The following PSD3 variants were observed in gnomAD, a reference collection of about 807,000 sequenced individuals.
PSD3 encodes PH and SEC7 domain-containing protein 3.
PSD3 carries 49 observed loss-of-function variants against 105.5 expected under a neutral mutation model. The ratio of observed to expected loss-of-function variants is 0.46; its 90% CI spans 0.37 to 0.59. The LOEUF is 0.59. PSD3 is among the 20% of genes least tolerant of loss of function. The pLI is 0.00. For missense variants in PSD3, 1,561 were observed against 1,263.8 expected, an observed-to-expected ratio of 1.24 and a Z score of -3.57; for synonymous variants, 557 against 457.8, an observed-to-expected ratio of 1.22 and a Z score of -2.77.
At chr8:18,726,805 G>A (rs545802012) in intron 9 of PSD3, among the ~76,000 whole-genome samples, 23 of 152,238 alleles carry the variant, frequency 1.5e-4, no homozygotes, top group African/African-American at 4.1e-4. Context: ...ACCACGCTTC[G>A]GGGCTCTAAC....
chr8:18,872,358 A>C lies in PSD3; in HGVS notation c.506T>G (p.Val169Gly). ...ACTGGCAGTGTCCAGCTCTTTTTCCACCTGCTGAACTGAAAAACTAGAAAC... is the reference window on the plus strand; with the variant it reads ...ACTGGCAGTGTCCAGCTCTTTTTCCCCCTGCTGAACTGAAAAACTAGAAAC... Reference protein sequence around the residue: ...DAVSSFSVQQVEKELDTASRK... With the variant: ...DAVSSFSVQQGEKELDTASRK... Residue 169 changes from valine (V) to glycine (G), a missense_variant, in exon 3 of 16, where the codon GTG (valine) becomes GGG (glycine). Val to Gly is a moderately radical substitution (Grantham distance 109). Transcript: ENST00000327040. 6.2e-7 allele frequency: 1 copy of C among 1,614,036 alleles called. No homozygotes were observed. The highest frequency in any genetic ancestry group is 8.5e-7 in the Non-Finnish European group (1 of 1,180,008).
At chr8:18,998,491 T>A (rs1049266368) in intron 1 of PSD3, among the ~76,000 whole-genome samples, 1 of 151,782 alleles carries the variant, frequency 6.6e-6, no homozygotes, top group Non-Finnish European at 1.5e-5. Flanking sequence ...ATTGAGACCA[T>A]CCTGGCTAAC....
chr8:18,620,640 G>A (rs1806048251), intron 11 of PSD3, among the ~76,000 whole-genome samples: 1 of 152,138 alleles, frequency 6.6e-6, no homozygotes, highest in Non-Finnish European at 1.5e-5. Flanking sequence ...AGCCTGGGAG[G>A]CAGAGGTTGC....
intron 1 of PSD3, among the ~76,000 whole-genome samples, chr8:18,970,005 G>C (rs1219307802): frequency 4.0e-5 from 6 of 151,748 alleles, no homozygotes; most frequent in Admixed American, 3.9e-4. Flanking sequence ...TTTGAAGAAA[G>C]AAAGAAACGC....
At chr8:18,545,286 G>A (rs752143473) in intron 15 of PSD3, among the ~76,000 whole-genome samples, 12 of 152,084 alleles carry the variant, frequency 7.9e-5, no homozygotes, top group East Asian at 7.7e-4. Flanking sequence ...TAAATTGTCC[G>A]GTTCCAAACC....
At chr8:18,564,752 A>T (rs1801625549) in intron 14 of PSD3, among the ~76,000 whole-genome samples, 1 of 151,960 alleles carries the variant, frequency 6.6e-6, no homozygotes, top group South Asian at 2.1e-4. Context: ...CTCCCCTGAA[A>T]TCCCACTGCC....
At chr8:18,690,871 T>A (rs1800937642) in intron 9 of PSD3, among the ~76,000 whole-genome samples, 1 of 152,106 alleles carries the variant, frequency 6.6e-6, no homozygotes, top group South Asian at 2.1e-4. Context: ...CCTTCACCCA[T>A]CTCAATTGGA....
At chr8:18,775,529 C>A (rs532697381) in intron 8 of PSD3, among the ~76,000 whole-genome samples, 133 of 152,230 alleles carry the variant, frequency 8.7e-4, no homozygotes, top group Non-Finnish European at 1.6e-3. Flanking sequence ...TTGATAAAAA[C>A]CATTTTAACT....
In PSD3 at chr8:18,844,664, A is replaced by G. The variant is rs138276423; in HGVS notation, c.1634+23010T>C. Among the ~76,000 whole-genome samples, 380 of 152,330 alleles carry G rather than the reference A, an allele frequency of 2.5e-3. 1 individual carries two copies. Among genetic ancestry groups the G allele is most frequent in the African/African-American group, 8.7e-3 (363 of 41,586 alleles). ...TTTCCAACCACAACCCCTACTCCAC[A>G]TTAAATAGGATGGATTGCTTTCTCA... On this transcript the variant is annotated intron_variant, in intron 4 of 15. Transcript: ENST00000327040.
At chr8:18,963,692 C>T (rs942935074) in intron 1 of PSD3, among the ~76,000 whole-genome samples, 2 of 152,152 alleles carry the variant, frequency 1.3e-5, no homozygotes, top group Non-Finnish European at 2.9e-5. Flanking sequence ...GAATGGCCAA[C>T]AGCAATGTTT....
chr8:18,838,008 C>T (rs1174694121), intron 4 of PSD3, among the ~76,000 whole-genome samples: 5 of 152,084 alleles, frequency 3.3e-5, no homozygotes, highest in Non-Finnish European at 7.4e-5. Flanking sequence ...AAATACCTGT[C>T]GTGTACAGAC....
chr8:18,776,408 G>A (rs965823859), intron 8 of PSD3, among the ~76,000 whole-genome samples: 2 of 148,820 alleles, frequency 1.3e-5, no homozygotes, highest in Admixed American at 1.3e-4. Context: ...TTTTGAGACG[G>A]AGTCTCGATC....
At chr8:18,752,347 G>A (rs752280077) in intron 9 of PSD3, among the ~76,000 whole-genome samples, 53 of 147,232 alleles carry the variant, frequency 3.6e-4, no homozygotes, top group Non-Finnish European at 3.7e-4. Flanking sequence ...TAGGTATGAG[G>A]CATACTGTGG....
At chr8:18,640,715 A>C (rs1807583535) in intron 10 of PSD3, among the ~76,000 whole-genome samples, 1 of 152,188 alleles carries the variant, frequency 6.6e-6, no homozygotes, top group African/African-American at 2.4e-5. Context: ...AGAATGGACT[A>C]ATACATCAGT....
chr8:18,584,120 C>G (rs1563347215), intron 12 of PSD3, among the ~76,000 whole-genome samples: 2 of 152,156 alleles, frequency 1.3e-5, no homozygotes, highest in Admixed American at 6.5e-5. Flanking sequence ...TAGAAAATCT[C>G]AAAGTTTATG....
chr8:19,041,863 T>A (rs1828135438), intron 1 of PSD3, among the ~76,000 whole-genome samples: 1 of 152,222 alleles, frequency 6.6e-6, no homozygotes, highest in South Asian at 2.1e-4. Flanking sequence ...GTGCCTTTCC[T>A]ATGTGGCTTT....
At chr8:18,967,926 G>A (rs186588620) in intron 1 of PSD3, among the ~76,000 whole-genome samples, 8 of 152,164 alleles carry the variant, frequency 5.3e-5, no homozygotes, top group Admixed American at 3.3e-4. Flanking sequence ...TGGGAGCTGC[G>A]AGGAGAATTG....
At chr8:19,050,353 G>C (rs991457174) in intron 1 of PSD3, among the ~76,000 whole-genome samples, 2 of 152,056 alleles carry the variant, frequency 1.3e-5, no homozygotes, top group Non-Finnish European at 2.9e-5. Flanking sequence ...AGAAAATACA[G>C]AAAAATCATG....
intron 10 of PSD3, 121 bp downstream of exon 10, chr8:18,655,521 G>T: frequency 1.1e-6 from 1 of 918,150 alleles, no homozygotes; most frequent in Admixed American, 2.0e-5. Context: ...AAGACACTTG[G>T]TGTAAAATGA....
Sources: allele counts gnomAD v4.1 joint callset (sites outside exome capture counted in the v4.1 genomes callset), GRCh38; gene constraint gnomAD v4.1.1; transcripts MANE v1.5; gene names NCBI Gene and HGNC (gene_info 2026-07-23, HGNC 2026-07-21).